The following NTM variants were observed in gnomAD, a reference collection of about 807,000 sequenced individuals.
NTM encodes IgLON family member 2.
In NTM, 13 loss-of-function variants were observed where a neutral mutation model predicts 42.1. The observed-to-expected ratio is 0.31, with a 90% CI of 0.20 to 0.49. The LOEUF (loss-of-function observed/expected upper bound fraction) is 0.49, where lower values mean the gene tolerates loss of function less well. Ranked by LOEUF, NTM falls within the 20% of genes least tolerant of loss-of-function variation. The pLI is 0.99. For synonymous variants in NTM, 187 were observed against 179.2 expected (o/e 1.04, Z -0.35); for missense variants, 373 against 452.8 (o/e 0.82, Z 1.60).
At chr11:132,170,022 G>T (rs1463184782) in intron 3 of NTM, among the ~76,000 whole-genome samples, 1 of 152,190 alleles carries the variant, frequency 6.6e-6, no homozygotes, top group Non-Finnish European at 1.5e-5. Context: ...GGGATGGAGA[G>T]GGAACACAGG....
intron 1 of NTM, among the ~76,000 whole-genome samples, chr11:131,862,129 A>G (rs1277022710): frequency 6.6e-6 from 1 of 152,174 alleles, no homozygotes; most frequent in Non-Finnish European, 1.5e-5. Flanking sequence ...GCCAGGTCTC[A>G]GTTGATCTGG....
At chr11:132,211,340 C>T (rs2082799331) in intron 3 of NTM, among the ~76,000 whole-genome samples, 1 of 152,244 alleles carries the variant, frequency 6.6e-6, no homozygotes, top group Non-Finnish European at 1.5e-5. Context: ...GTCAAGGCTT[C>T]AGTGAGCCAT....
chr11:132,238,020 T>C (rs1243782452), intron 4 of NTM, among the ~76,000 whole-genome samples: 3 of 152,200 alleles, frequency 2.0e-5, no homozygotes, highest in African/African-American at 4.8e-5. Flanking sequence ...AATACTGGGC[T>C]TCAGAGACCA....
intron 1 of NTM, among the ~76,000 whole-genome samples, chr11:131,457,751 A>G (rs1951029597): frequency 6.6e-6 from 1 of 151,842 alleles, no homozygotes; most frequent in African/African-American, 2.4e-5. Flanking sequence ...TTAAAATTTT[A>G]ACTCATAATT....
At chr11:131,736,693 G>T (rs962953740) in intron 1 of NTM, among the ~76,000 whole-genome samples, 2 of 152,196 alleles carry the variant, frequency 1.3e-5, no homozygotes, top group African/African-American at 4.8e-5. Flanking sequence ...GAGAGAAAAA[G>T]AGGTAGATGA....
At chr11:132,123,412 GTCTC>G (rs2065159237) in intron 2 of NTM, among the ~76,000 whole-genome samples, 1 of 152,168 alleles carries the variant, frequency 6.6e-6, no homozygotes, top group South Asian at 2.1e-4. Context: ...ACACAACCAT[GTCTC>G]TGGAAGCCTC....
chr11:131,512,407 G>A (rs454501), intron 1 of NTM, among the ~76,000 whole-genome samples: 22,834 of 152,146 alleles, frequency 0.15, 1,914 homozygotes, highest in Middle Eastern at 0.22. Flanking sequence ...GCCAGCCCAG[G>A]CAGGGGCTGT....
At chr11:131,414,995 A>G (rs1946797039) in intron 1 of NTM, among the ~76,000 whole-genome samples, 1 of 152,208 alleles carries the variant, frequency 6.6e-6, no homozygotes. Flanking sequence ...CCTAGTGTGA[A>G]CAATTGTGAT....
rs1271349848 is a variant in NTM, at chr11:132,194,879, G to A, written c.401-17143G>A. On this transcript the variant is annotated intron_variant, in intron 3 of 8. Coordinates refer to ENST00000683400, the MANE Select transcript of NTM (RefSeq NM_001352005.2). Reference sequence around the variant, plus strand: ...ACTCTGTCACCCAGGCTGCAGTGCAGTGGTGTAATCTCAGCTCACTGCAAC... The same window carrying A: ...ACTCTGTCACCCAGGCTGCAGTGCAATGGTGTAATCTCAGCTCACTGCAAC... Among the ~76,000 whole-genome samples the A allele has an allele frequency of 2.1e-5, 3 of 141,176 alleles. No homozygotes were observed. In the East Asian group the frequency reaches 6.4e-4, roughly 30 times the overall value. The allele number at this position is 141,176 out of a possible 152,430, so 92.6% of individuals were successfully genotyped here.
chr11:131,674,325 C>T (rs2070973093), intron 1 of NTM, among the ~76,000 whole-genome samples: 1 of 152,224 alleles, frequency 6.6e-6, no homozygotes, highest in Non-Finnish European at 1.5e-5. Context: ...CTAGGGCTGT[C>T]ATTCTTGAAA....
At chr11:131,632,761 G>A (rs1024915426) in intron 1 of NTM, among the ~76,000 whole-genome samples, 3 of 127,886 alleles carry the variant, frequency 2.3e-5, no homozygotes, top group South Asian at 2.6e-4. Context: ...TGCAAGCTCC[G>A]CCTCCCGGGT....
rs1312166607 is a variant in NTM, at chr11:131,789,468, AG to A, written c.83-122095del. Among the ~76,000 whole-genome samples the A allele has an allele frequency of 4.2e-4, 6 of 14,240 alleles. 3 individuals carry two copies. Among genetic ancestry groups the A allele is most frequent in the African/African-American group, 1.7e-3 (6 of 3,614 alleles). 9.3% of individuals were successfully genotyped at this position (14,240 alleles called of 152,430 possible). A position where few individuals can be genotyped will look rare whatever the true frequency, so the allele number is the denominator to read the frequency against. ...AAGAAGAAGAAGAAGAAGAAGAAGA[AG>A]AAGAAGAAGAAGAAGAAGAAGAGGA... On this transcript the variant is annotated intron_variant, in intron 1 of 8. Coordinates refer to ENST00000683400, the MANE Select transcript of NTM (RefSeq NM_001352005.2).
intron 1 of NTM, among the ~76,000 whole-genome samples, chr11:131,790,454 C>T (rs2090768494): frequency 6.6e-6 from 1 of 152,146 alleles, no homozygotes; most frequent in Admixed American, 6.5e-5. Flanking sequence ...GTCTCTTACT[C>T]TGGGTGGTAT....
At chr11:131,460,381 T>G (rs1466828994) in intron 1 of NTM, among the ~76,000 whole-genome samples, 1 of 152,202 alleles carries the variant, frequency 6.6e-6, no homozygotes, top group Non-Finnish European at 1.5e-5. Context: ...TTTGGCTTAG[T>G]ATACAAGTAA....
At chr11:131,900,765 TTTA>T (rs2137699788) in intron 1 of NTM, among the ~76,000 whole-genome samples, 1 of 152,308 alleles carries the variant, frequency 6.6e-6, no homozygotes, top group East Asian at 1.9e-4. Flanking sequence ...TTGCATGAAG[TTTA>T]TTATTTGTGA....
intron 1 of NTM, among the ~76,000 whole-genome samples, chr11:131,380,852 G>A (rs557257948): frequency 3.9e-5 from 6 of 152,212 alleles, no homozygotes; most frequent in Admixed American, 3.9e-4. Context: ...GTTTCAATAG[G>A]TATGCAAGAG....
At chr11:131,434,850 A>G (rs1307112842) in intron 1 of NTM, among the ~76,000 whole-genome samples, 1 of 152,212 alleles carries the variant, frequency 6.6e-6, no homozygotes, top group African/African-American at 2.4e-5. Flanking sequence ...TGTTTTAGTC[A>G]TGAAGTCCTC....
At chr11:131,516,767 G>A (rs1591904903) in intron 1 of NTM, among the ~76,000 whole-genome samples, 1 of 152,180 alleles carries the variant, frequency 6.6e-6, no homozygotes, top group African/African-American at 2.4e-5. Flanking sequence ...GCATAAAAGC[G>A]TTTCTTGTGT....
At chr11:132,102,165 A>G (rs959958452) in intron 2 of NTM, among the ~76,000 whole-genome samples, 1 of 152,190 alleles carries the variant, frequency 6.6e-6, no homozygotes, top group African/African-American at 2.4e-5. Context: ...TATCCCTTTC[A>G]GGAAACATTA....
Sources: gnomAD v4.1 joint callset for allele counts (sites outside exome capture counted in the v4.1 genomes callset) on GRCh38, gnomAD v4.1.1 for gene constraint, MANE v1.5 for transcripts, NCBI Gene and HGNC (gene_info 2026-07-23, HGNC 2026-07-21) for gene names.